MTX2: variants seen among roughly 807,000 people sequenced by gnomAD.
The protein encoded by MTX2 is metaxin 2.
In MTX2, 35 loss-of-function variants were observed where a neutral mutation model predicts 42.3. That is an observed-to-expected ratio of 0.83 (90% CI 0.63 to 1.10). MTX2 has a LOEUF of 1.10. Ranked by LOEUF, MTX2 falls within the 50% of genes least tolerant of loss-of-function variation. MTX2 has a pLI of 0.00. For synonymous variants in MTX2, 119 were observed against 100.9 expected (o/e 1.18, Z -1.08); for missense variants, 307 against 304.1 (o/e 1.01, Z -0.07).
intron 4 of MTX2, among the ~76,000 whole-genome samples, chr2:176,324,954 ATTT>A (rs1684674960): frequency 1.3e-5 from 2 of 151,782 alleles, no homozygotes; most frequent in South Asian, 4.2e-4. Flanking sequence ...CTTGCGGTAG[ATTT>A]TTAAAGCAGA....
chr2:176,279,825 G>A (rs974924241), intron 1 of MTX2, among the ~76,000 whole-genome samples: 2 of 152,056 alleles, frequency 1.3e-5, no homozygotes, highest in African/African-American at 4.8e-5. Flanking sequence ...TTTGGTGGCT[G>A]TTTGGAGAAT....
chr2:176,277,467 A>G (rs937839478), intron 1 of MTX2, among the ~76,000 whole-genome samples: 1 of 152,180 alleles, frequency 6.6e-6, no homozygotes, highest in Non-Finnish European at 1.5e-5. Context: ...CAGTGGTACA[A>G]TCTTGGCTCA....
At chr2:176,336,312 A>G (rs1684986080) in intron 9 of MTX2, among the ~76,000 whole-genome samples, 1 of 152,090 alleles carries the variant, frequency 6.6e-6, no homozygotes, top group Non-Finnish European at 1.5e-5. Context: ...ACAGAGAAAA[A>G]AATTCCTAGA....
chr2:176,281,837 A>G (rs146987925), intron 1 of MTX2, among the ~76,000 whole-genome samples: 72 of 152,240 alleles, frequency 4.7e-4, no homozygotes, highest in Admixed American at 1.6e-3. Context: ...TTAGTTATCT[A>G]TGGAACTCTC....
intron 3 of MTX2, among the ~76,000 whole-genome samples, chr2:176,310,261 C>T (rs929864158): frequency 1.4e-5 from 2 of 138,016 alleles, no homozygotes; most frequent in Admixed American, 1.4e-4. Flanking sequence ...TGTAGGGTTT[C>T]TGCCGAGAGA....
intron 4 of MTX2, among the ~76,000 whole-genome samples, 159 bp downstream of exon 4, chr2:176,323,623 A>G (rs772645174): frequency 4.6e-5 from 7 of 151,746 alleles, no homozygotes; most frequent in Non-Finnish European, 7.4e-5. Context: ...AAATTTGACA[A>G]TCTTGGGGTT....
chr2:176,299,925 C>A (rs536613412), intron 3 of MTX2, among the ~76,000 whole-genome samples: 2 of 151,912 alleles, frequency 1.3e-5, no homozygotes, highest in African/African-American at 4.8e-5. Flanking sequence ...ATTATACCCC[C>A]AAAACTAAGT....
intron 1 of MTX2, chr2:176,270,206 T>A (rs1202890890): frequency 2.8e-6 from 1 of 351,704 alleles, no homozygotes; most frequent in African/African-American, 2.1e-5. Flanking sequence ...GTTTCTCTTT[T>A]GTCACCGAGG....
chr2:176,336,175 A>T (rs1310063997), intron 9 of MTX2, among the ~76,000 whole-genome samples: 2 of 152,182 alleles, frequency 1.3e-5, no homozygotes, highest in African/African-American at 2.4e-5. Flanking sequence ...CGTAATTATG[A>T]TGACATTTTC....
intron 4 of MTX2, among the ~76,000 whole-genome samples, chr2:176,324,013 C>T (rs1381135323): frequency 6.6e-6 from 1 of 151,286 alleles, no homozygotes; most frequent in Non-Finnish European, 1.5e-5. Context: ...TCAGTATTAT[C>T]TTTATGTCAG....
At chr2:176,333,632 A>T (rs1366498169) in intron 9 of MTX2, among the ~76,000 whole-genome samples, 1 of 151,716 alleles carries the variant, frequency 6.6e-6, no homozygotes, top group African/African-American at 2.4e-5. Flanking sequence ...GTGTGTGTGG[A>T]TATATACAGT....
chr2:176,288,590 T>C (rs981733783), intron 1 of MTX2, among the ~76,000 whole-genome samples: 3 of 151,222 alleles, frequency 2.0e-5, no homozygotes, highest in African/African-American at 4.9e-5. Context: ...AGATGACATC[T>C]ATGAGCTTTT....
At chr2:176,335,468 A>G (rs918758546) in intron 9 of MTX2, among the ~76,000 whole-genome samples, 1 of 152,026 alleles carries the variant, frequency 6.6e-6, no homozygotes, top group Non-Finnish European at 1.5e-5. Flanking sequence ...TGCTGACATT[A>G]GTCATTCTGA....
chr2:176,335,000 G>T (rs1291684210), intron 9 of MTX2, among the ~76,000 whole-genome samples: 1 of 151,676 alleles, frequency 6.6e-6, no homozygotes, highest in African/African-American at 2.4e-5. Context: ...AGTAGGTGAG[G>T]TCCTTTCTCT....
At chr2:176,331,115 ACTTAT>A (rs1385623906) in intron 9 of MTX2, among the ~76,000 whole-genome samples, 4 of 151,232 alleles carry the variant, frequency 2.6e-5, no homozygotes, top group African/African-American at 7.2e-5. Context: ...ACTATTATGA[ACTTAT>A]CTTTTAAAAT....
At chr2:176,311,547 G>C (rs1684307819) in intron 3 of MTX2, among the ~76,000 whole-genome samples, 1 of 152,226 alleles carries the variant, frequency 6.6e-6, no homozygotes, top group South Asian at 2.1e-4. Flanking sequence ...TTGATCTGCA[G>C]TGGGCTCCGC....
intron 1 of MTX2, among the ~76,000 whole-genome samples, chr2:176,295,072 T>C: frequency 6.6e-6 from 1 of 152,184 alleles, no homozygotes; most frequent in Admixed American, 6.5e-5. Context: ...TCTTCTTTCT[T>C]TCTACAGACA....
chr2:176,270,376 A>C (rs752538436), intron 1 of MTX2: 1 of 1,363,720 alleles, frequency 7.3e-7, no homozygotes. Flanking sequence ...TACTTTAAAG[A>C]AATACTTTTG....
intron 1 of MTX2, among the ~76,000 whole-genome samples, chr2:176,294,771 T>C (rs1683813582): frequency 6.6e-6 from 1 of 152,182 alleles, no homozygotes; most frequent in East Asian, 1.9e-4. Context: ...GTTTGTTGGA[T>C]TCTTCTTTGT....
Sources: allele counts gnomAD v4.1 joint callset (sites outside exome capture counted in the v4.1 genomes callset), GRCh38; gene constraint gnomAD v4.1.1; transcripts MANE v1.5; gene names NCBI Gene and HGNC (gene_info 2026-07-23, HGNC 2026-07-21).